Variants in COL8A1 observed in about 807,000 individuals in gnomAD.
COL8A1 encodes collagen alpha-1(VIII) chain.
A neutral mutation model predicts 42.7 loss-of-function variants in COL8A1; 21 were observed. The observed-to-expected ratio is 0.49, with a 90% CI of 0.35 to 0.71. The LOEUF (loss-of-function observed/expected upper bound fraction) is 0.71, where lower values mean the gene tolerates loss of function less well. Ranked by LOEUF, COL8A1 falls within the 30% of genes least tolerant of loss-of-function variation. The probability of loss-of-function intolerance (pLI) is 0.01; values close to 1 mark genes in which losing one functional copy is unlikely to be tolerated. For missense variants in COL8A1, 788 were observed against 962.4 expected (o/e 0.82, Z 2.40); for synonymous variants, 367 against 369.1 (o/e 0.99, Z 0.06).
chr3:99,716,302 T>A (rs908600444), intron 1 of COL8A1, among the ~76,000 whole-genome samples: 1 of 152,062 alleles, frequency 6.6e-6, no homozygotes, highest in African/African-American at 2.4e-5. Context: ...GTAGCACTTT[T>A]TTATCTGAAT....
intron 1 of COL8A1, among the ~76,000 whole-genome samples, chr3:99,685,850 C>T (rs1000103889): frequency 1.3e-5 from 2 of 152,132 alleles, no homozygotes; most frequent in Admixed American, 6.5e-5. Flanking sequence ...AATAGTCAGA[C>T]TACTTTACCC....
At chr3:99,690,571 A>C (rs1939187361) in intron 1 of COL8A1, among the ~76,000 whole-genome samples, 1 of 152,202 alleles carries the variant, frequency 6.6e-6, no homozygotes, top group South Asian at 2.1e-4. Flanking sequence ...AGGGACTCAA[A>C]AAATATTATT....
chr3:99,682,225 G>A (rs968160859), intron 1 of COL8A1, among the ~76,000 whole-genome samples: 3 of 152,020 alleles, frequency 2.0e-5, no homozygotes, highest in Non-Finnish European at 4.4e-5. Flanking sequence ...GACCAGCTTG[G>A]GCAACATGGT....
chr3:99,721,789 G>A (rs1940163734), intron 1 of COL8A1, among the ~76,000 whole-genome samples: 1 of 152,012 alleles, frequency 6.6e-6, no homozygotes, highest in African/African-American at 2.4e-5. Flanking sequence ...AAGTGAAAGG[G>A]CAGAGGAAAG....
chr3:99,722,780 T>G (rs766428183), intron 1 of COL8A1, among the ~76,000 whole-genome samples: 2 of 152,136 alleles, frequency 1.3e-5, no homozygotes, highest in Non-Finnish European at 2.9e-5. Context: ...ATCACTATCT[T>G]GAGACTATCG....
At chr3:99,786,954 T>C (rs1296866268) in intron 2 of COL8A1, among the ~76,000 whole-genome samples, 2 of 152,084 alleles carry the variant, frequency 1.3e-5, no homozygotes, top group Non-Finnish European at 2.9e-5. Context: ...CTACAAATCT[T>C]GTACAAGTAG....
chr3:99,702,517 A>G (rs1016759335), intron 1 of COL8A1, among the ~76,000 whole-genome samples: 1 of 152,194 alleles, frequency 6.6e-6, no homozygotes. Context: ...AATTAAATCA[A>G]CATGTTTTTG....
intron 2 of COL8A1, among the ~76,000 whole-genome samples, chr3:99,783,640 G>T (rs1044219919): frequency 1.3e-5 from 2 of 152,206 alleles, no homozygotes; most frequent in Non-Finnish European, 1.5e-5. Context: ...AGTTCCACAT[G>T]GCTGGGGAGG....
At chr3:99,784,521 C>T (rs1010468520) in intron 2 of COL8A1, among the ~76,000 whole-genome samples, 10 of 152,182 alleles carry the variant, frequency 6.6e-5, no homozygotes, top group Non-Finnish European at 1.3e-4. Context: ...ACCTTGGCTA[C>T]ATGGCATAGC....
At chr3:99,686,648 C>T (rs1488276502) in intron 1 of COL8A1, among the ~76,000 whole-genome samples, 1 of 152,198 alleles carries the variant, frequency 6.6e-6, no homozygotes, top group East Asian at 1.9e-4. Flanking sequence ...GTGATCATCA[C>T]AATGACTTTA....
intron 1 of COL8A1, among the ~76,000 whole-genome samples, chr3:99,733,142 CTT>C (rs111754426): frequency 4.4e-5 from 6 of 137,908 alleles, no homozygotes; most frequent in African/African-American, 1.6e-4. Flanking sequence ...TTTAAACTTT[CTT>C]TTTTTTATTA....
chr3:99,707,869 C>T (rs1939726000), intron 1 of COL8A1, among the ~76,000 whole-genome samples: 1 of 152,014 alleles, frequency 6.6e-6, no homozygotes, highest in Admixed American at 6.6e-5. Flanking sequence ...TCAAGTAATC[C>T]CACCAATAAC....
At position 99,796,545 on chromosome 3, in the gene COL8A1, A is replaced by G. The variant is rs1025656608; in HGVS notation, c.*409A>G. 7.0e-5 allele frequency: 11 copies of G among 156,554 alleles called. No homozygotes were observed. Among genetic ancestry groups the G allele is most frequent in the African/African-American group, 2.2e-4 (9 of 41,620 alleles). The allele number at this position is 156,554 out of a possible 1,614,324, so 9.7% of individuals were successfully genotyped here. On this transcript the variant is annotated 3_prime_UTR_variant, in exon 4 of 4. Coordinates refer to ENST00000652472, the MANE Select transcript of COL8A1 (RefSeq NM_020351.4). ...ATAAATATGCCTTAAAGAAATACAA[A>G]TGATAACAATTACATACCGTATTTA...
chr3:99,708,927 G>T (rs1939757377), intron 1 of COL8A1, among the ~76,000 whole-genome samples: 2 of 151,694 alleles, frequency 1.3e-5, no homozygotes, highest in South Asian at 4.2e-4. Flanking sequence ...CTTTCCAAAT[G>T]CTCACCTGAG....
At position 99,669,146 on chromosome 3, in the gene COL8A1, T is replaced by TATATATATATATATATAG; in HGVS notation, c.-129+30483_-129+30484insTATATATATATATATAGA. 5.2e-5 allele frequency among the ~76,000 whole-genome samples: 6 copies of TATATATATATATATATAG among 115,388 alleles called. 1 individual carries two copies. The highest frequency in any genetic ancestry group is 6.2e-4 in the East Asian group (2 of 3,228). The allele number at this position is 115,388 out of a possible 152,430, so 75.7% of individuals were successfully genotyped here. On this transcript the variant is annotated intron_variant, in intron 1 of 3. Transcript: ENST00000652472. ...AATTATATATATATATATATATATA[T>TATATATATATATATATAG]AGAGGGAGAGAGAGAGAGAGAGAGA...
chr3:99,747,457 A>G (rs986847972), intron 2 of COL8A1, among the ~76,000 whole-genome samples: 5 of 152,238 alleles, frequency 3.3e-5, no homozygotes, highest in African/African-American at 1.2e-4. Flanking sequence ...AATGAGCTAC[A>G]TCTGTAACCA....
At chr3:99,694,244 A>G (rs561772296) in intron 1 of COL8A1, among the ~76,000 whole-genome samples, 96 of 152,276 alleles carry the variant, frequency 6.3e-4, no homozygotes, top group African/African-American at 2.2e-3. Flanking sequence ...GCACTTTGGG[A>G]GACTGAGGCA....
At chr3:99,786,505 T>C (rs572889992) in intron 2 of COL8A1, among the ~76,000 whole-genome samples, 1 of 152,302 alleles carries the variant, frequency 6.6e-6, no homozygotes, top group Admixed American at 6.5e-5. Context: ...CACCTTGATC[T>C]TGAACTTCCC....
intron 1 of COL8A1, among the ~76,000 whole-genome samples, chr3:99,653,359 T>C (rs772548003): frequency 2.6e-5 from 4 of 152,170 alleles, no homozygotes; most frequent in Non-Finnish European, 5.9e-5. Flanking sequence ...TATGGGCTGA[T>C]TGACATTTTT....
Sources: allele counts gnomAD v4.1 joint callset (sites outside exome capture counted in the v4.1 genomes callset), GRCh38; gene constraint gnomAD v4.1.1; transcripts MANE v1.5; gene names NCBI Gene and HGNC (gene_info 2026-07-23, HGNC 2026-07-21).